MNAT1: variants seen among roughly 807,000 people sequenced by gnomAD.
MNAT1 encodes MNAT1 component of CDK activating kinase.
MNAT1 carries 43 observed loss-of-function variants against 42.0 expected under a neutral mutation model. The observed-to-expected ratio is 1.02, with a 90% CI of 0.80 to 1.32. The LOEUF is 1.32. Among genes scored for constraint, MNAT1 ranks in the 40% most tolerant of loss-of-function variants. MNAT1 has a pLI of 0.00. For missense variants in MNAT1, 306 were observed against 350.4 expected, an observed-to-expected ratio of 0.87 and a Z score of 1.01; for synonymous variants, 118 against 120.0, an observed-to-expected ratio of 0.98 and a Z score of 0.11.
At chr14:60,814,494 G>GTGTA (rs1395168054) in intron 5 of MNAT1, among the ~76,000 whole-genome samples, 1 of 152,024 alleles carries the variant, frequency 6.6e-6, no homozygotes, top group Non-Finnish European at 1.5e-5. Flanking sequence ...GTGTGTGTGT[G>GTGTA]TGTATGCAGT....
intron 1 of MNAT1, among the ~76,000 whole-genome samples, chr14:60,747,717 A>G (rs1372920587): frequency 6.6e-6 from 1 of 152,158 alleles, no homozygotes; most frequent in Non-Finnish European, 1.5e-5. Flanking sequence ...CTAAATTTAT[A>G]AAAAAATTTT....
chr14:60,811,298 C>CTTTTTTTTTTTTTTTTTT (rs569520885), intron 4 of MNAT1, among the ~76,000 whole-genome samples: 1 of 80,322 alleles, frequency 1.2e-5, no homozygotes, highest in Admixed American at 1.4e-4. Flanking sequence ...TCTATTCTTT[C>CTTTTTTTTTTTTTTTTTT]TTTTTTTTTT....
chr14:60,950,374 A>G (rs2036358314), intron 7 of MNAT1, among the ~76,000 whole-genome samples: 2 of 152,206 alleles, frequency 1.3e-5, no homozygotes, highest in South Asian at 4.1e-4. Context: ...AGAAAATGCA[A>G]GTATTTATAT....
chr14:60,950,916 G>T (rs965287497), intron 7 of MNAT1, among the ~76,000 whole-genome samples: 3 of 152,142 alleles, frequency 2.0e-5, no homozygotes, highest in Admixed American at 1.3e-4. Flanking sequence ...TTTTTAAAAT[G>T]ATGGCAAATA....
At chr14:60,854,049 G>A (rs1000306063) in intron 6 of MNAT1, among the ~76,000 whole-genome samples, 2 of 151,884 alleles carry the variant, frequency 1.3e-5, no homozygotes, top group Non-Finnish European at 2.9e-5. Context: ...TCAGTAAGTT[G>A]ATCCTCAATC....
At chr14:60,914,420 G>C (rs569897372) in intron 7 of MNAT1, among the ~76,000 whole-genome samples, 63 of 152,160 alleles carry the variant, frequency 4.1e-4, no homozygotes, top group Admixed American at 5.9e-4. Flanking sequence ...CATTGCTCAC[G>C]CTGGGAGCTG....
chr14:60,758,667 G>C (rs2030468952), intron 1 of MNAT1, among the ~76,000 whole-genome samples: 2 of 151,690 alleles, frequency 1.3e-5, no homozygotes, highest in Non-Finnish European at 2.9e-5. Flanking sequence ...GATACTTCCT[G>C]CTTAAACTTC....
intron 7 of MNAT1, among the ~76,000 whole-genome samples, chr14:60,966,807 C>A (rs2036690954): frequency 6.6e-6 from 1 of 152,140 alleles, no homozygotes; most frequent in Non-Finnish European, 1.5e-5. Flanking sequence ...GCCACTGTAC[C>A]CAGCCAGAAC....
In MNAT1 at chr14:60,902,354, A is replaced by G. The variant is rs141391927; in HGVS notation, c.809+22519A>G. Reference sequence around the variant, plus strand: ...CCAAGGACTGAGAATTATGCAAGGAATGGATACAACGGGGTAGAATATTGA... The same window carrying G: ...CCAAGGACTGAGAATTATGCAAGGAGTGGATACAACGGGGTAGAATATTGA... On this transcript the variant is annotated intron_variant, in intron 7 of 7. Transcript: ENST00000261245. 5.2e-3 allele frequency among the ~76,000 whole-genome samples: 789 copies of G among 152,304 alleles called. 14 individuals are homozygous for G. Among genetic ancestry groups the G allele is most frequent in the African/African-American group, 0.018 (740 of 41,562 alleles).
At chr14:60,822,448 G>A (rs1419116950) in intron 6 of MNAT1, among the ~76,000 whole-genome samples, 1 of 152,114 alleles carries the variant, frequency 6.6e-6, no homozygotes, top group East Asian at 1.9e-4. Flanking sequence ...TATTTTTAGA[G>A]ACAGGATCTT....
chr14:60,736,866 T>C (rs907021196), intron 1 of MNAT1, among the ~76,000 whole-genome samples: 1 of 152,242 alleles, frequency 6.6e-6, no homozygotes, highest in African/African-American at 2.4e-5. Flanking sequence ...TTACTATATA[T>C]TGGCTATTTT....
Position 60,818,788 on chromosome 14 carries a change from A to T in MNAT1, c.628A>T (p.Met210Leu). The T allele has an allele frequency of 6.2e-7, 1 of 1,612,988 alleles. No homozygotes were observed. Among genetic ancestry groups the T allele is most frequent in the Non-Finnish European group, 8.5e-7 (1 of 1,179,200 alleles). Residue 210 changes from methionine to leucine, a missense_variant, in exon 6 of 8, where the codon ATG (methionine) becomes TTG (leucine). By Grantham distance (15) the Met-to-Leu change is conservative (BLOSUM62 2). Transcript: ENST00000261245. ...QHKDRSTQLE[M>L]QLEKPKPVKP... Reference sequence around the variant, plus strand: ...TAAAGATAGATCTACCCAATTAGAAATGCAACTTGAGAAACCCAAACCTGT... The same window carrying T: ...TAAAGATAGATCTACCCAATTAGAATTGCAACTTGAGAAACCCAAACCTGT...
At chr14:60,852,977 C>T (rs1161460847) in intron 6 of MNAT1, among the ~76,000 whole-genome samples, 1 of 152,098 alleles carries the variant, frequency 6.6e-6, no homozygotes, top group Non-Finnish European at 1.5e-5. Context: ...AGTCAGGTAG[C>T]ATGATGGCCC....
At chr14:60,796,478 CTA>C in intron 2 of MNAT1, 109 bp downstream of exon 2, 1 of 999,482 alleles carries the variant, frequency 1.0e-6, no homozygotes, top group South Asian at 2.0e-5. Flanking sequence ...AAGTAAATAA[CTA>C]TAAATTCATT....
intron 1 of MNAT1, among the ~76,000 whole-genome samples, chr14:60,758,954 G>T (rs771811728): frequency 4.9e-4 from 75 of 152,020 alleles, no homozygotes; most frequent in Non-Finnish European, 8.5e-4. Flanking sequence ...TTAGGAAGAC[G>T]CACCACGTTT....
At chr14:60,949,251 T>C (rs1320060653) in intron 7 of MNAT1, among the ~76,000 whole-genome samples, 1 of 152,302 alleles carries the variant, frequency 6.6e-6, no homozygotes, top group South Asian at 2.1e-4. Context: ...TTGTAGCGGG[T>C]TCTCTCCAAA....
chr14:60,867,310 T>A (rs2034225893), intron 6 of MNAT1, among the ~76,000 whole-genome samples: 1 of 152,032 alleles, frequency 6.6e-6, no homozygotes, highest in Non-Finnish European at 1.5e-5. Context: ...AAGAAGCCAG[T>A]TTTAGAAGAA....
intron 6 of MNAT1, among the ~76,000 whole-genome samples, chr14:60,871,767 C>T (rs187722794): frequency 9.2e-5 from 14 of 151,998 alleles, no homozygotes; most frequent in African/African-American, 1.4e-4. Flanking sequence ...GGATTACAGG[C>T]GCCGGCTACC....
chr14:60,791,862 G>C (rs2031830689), intron 1 of MNAT1, among the ~76,000 whole-genome samples: 1 of 152,138 alleles, frequency 6.6e-6, no homozygotes, highest in Non-Finnish European at 1.5e-5. Flanking sequence ...ACTAAAACTT[G>C]TAGAATATTC....
Sources: gnomAD v4.1 joint callset for allele counts (sites outside exome capture counted in the v4.1 genomes callset) on GRCh38, gnomAD v4.1.1 for gene constraint, MANE v1.5 for transcripts, NCBI Gene and HGNC (gene_info 2026-07-23, HGNC 2026-07-21) for gene names.